ANKRD31: variants seen among roughly 807,000 people sequenced by gnomAD.
ANKRD31 encodes the protein ankyrin repeat domain 31.
Under a neutral mutation model 186.0 loss-of-function variants are expected in ANKRD31, and 147 were observed. The observed-to-expected ratio is 0.79, with a 90% CI of 0.69 to 0.91. The LOEUF is 0.91. Ranked by LOEUF, ANKRD31 falls within the 40% of genes least tolerant of loss-of-function variation. The pLI is 0.00. For missense variants in ANKRD31, 1,986 were observed against 2,148.8 expected (o/e 0.92, Z 1.50); for synonymous variants, 673 against 736.4 (o/e 0.91, Z 1.39).
intron 10 of ANKRD31, among the ~76,000 whole-genome samples, chr5:75,171,318 T>A (rs906988893): frequency 6.6e-6 from 1 of 151,986 alleles, no homozygotes; most frequent in Non-Finnish European, 1.5e-5. Context: ...CAGAAAGGTA[T>A]CTAGAGAATC....
intron 17 of ANKRD31, among the ~76,000 whole-genome samples, chr5:75,131,431 T>TCAAA (rs938140023): frequency 4.6e-5 from 7 of 152,066 alleles, no homozygotes; most frequent in African/African-American, 1.7e-4. Context: ...CAGTCTGAGA[T>TCAAA]CAAACTGCAA....
chr5:75,154,303 T>TA lies in ANKRD31; in HGVS notation c.1749dup (p.Arg584Ter). 1 of 1,535,992 alleles carries TA rather than the reference T, an allele frequency of 6.5e-7. No homozygotes were observed. Among genetic ancestry groups the TA allele is most frequent in the South Asian group, 1.2e-5 (1 of 83,920 alleles). On this transcript the variant is annotated frameshift_variant, in exon 12 of 26. Transcript: ENST00000506364. LOFTEE classifies it high-confidence loss of function. ...AAAGCACATTTTCCATCATCATTTCTAAATAATGGATCAGCTCCATTCAGA... is the reference window on the plus strand; with the variant it reads ...AAAGCACATTTTCCATCATCATTTCTAAAATAATGGATCAGCTCCATTCAGA...
At chr5:75,235,666 T>G (rs1758224267) in intron 1 of ANKRD31, among the ~76,000 whole-genome samples, 1 of 152,152 alleles carries the variant, frequency 6.6e-6, no homozygotes, top group Non-Finnish European at 1.5e-5. Context: ...GGCCCTAGCC[T>G]CAGAGCAGAC....
At chr5:75,204,481 G>A (rs957938423) in intron 5 of ANKRD31, among the ~76,000 whole-genome samples, 5 of 152,128 alleles carry the variant, frequency 3.3e-5, no homozygotes. Context: ...TACTTGGTTG[G>A]TGTTACAAAA....
chr5:75,214,333 T>A (rs141160882), intron 3 of ANKRD31, among the ~76,000 whole-genome samples: 39 of 152,318 alleles, frequency 2.6e-4, no homozygotes, highest in African/African-American at 8.2e-4. Flanking sequence ...TCATTGCAAC[T>A]TCTGAACAGA....
chr5:75,091,644 C>T (rs57091259), intron 22 of ANKRD31, among the ~76,000 whole-genome samples: 7,421 of 152,196 alleles, frequency 0.049, 390 homozygotes, highest in African/African-American at 0.13. Context: ...TGAACCAAGA[C>T]TGCATCCTCC....
chr5:75,153,730 A>C (rs946712629), intron 12 of ANKRD31, among the ~76,000 whole-genome samples: 1 of 152,174 alleles, frequency 6.6e-6, no homozygotes, highest in Non-Finnish European at 1.5e-5. Context: ...TCATGTATTT[A>C]AATTATGTTT....
At chr5:75,205,078 C>T (rs1756081400) in intron 5 of ANKRD31, among the ~76,000 whole-genome samples, 1 of 152,058 alleles carries the variant, frequency 6.6e-6, no homozygotes, top group Non-Finnish European at 1.5e-5. Context: ...GTTTCCCAGG[C>T]TGGTCTCGAA....
intron 11 of ANKRD31, among the ~76,000 whole-genome samples, chr5:75,164,007 T>A (rs1181671025): frequency 2.6e-5 from 4 of 152,198 alleles, no homozygotes; most frequent in African/African-American, 7.2e-5. Flanking sequence ...ACAAATAGTA[T>A]ATGGCAGAAA....
At position 75,195,713 on chromosome 5, in the gene ANKRD31, C is replaced by G. The variant is rs138165885; in HGVS notation, c.935G>C (p.Ser312Thr). Residue 312 changes from serine to threonine, a missense_variant, in exon 7 of 26, where the codon AGC (serine) becomes ACC (threonine). Coordinates refer to ENST00000506364, the MANE Select transcript of ANKRD31 (RefSeq NM_001372053.1). ...ACATTCATTTCTGGCAATGAGACTG[C>G]TACCTCCCTCTTTTCTGTGACAGAT... ...ETICHRKEGG[S>T]SLIARNECLE... The G allele has an allele frequency of 6.5e-7, 1 of 1,537,530 alleles. No homozygotes were observed. The highest frequency in any genetic ancestry group is 8.7e-7 in the Non-Finnish European group (1 of 1,146,880).
At chr5:75,161,259 G>C (rs1049398816) in intron 11 of ANKRD31, among the ~76,000 whole-genome samples, 2 of 152,212 alleles carry the variant, frequency 1.3e-5, no homozygotes, top group Admixed American at 6.5e-5. Context: ...AGTGGTCTCA[G>C]ATGGAGATGA....
At position 75,193,495 on chromosome 5, in the gene ANKRD31, C is replaced by A. The variant is rs1225879303; in HGVS notation, c.1114G>T (p.Val372Leu). 1.3e-6 allele frequency: 2 copies of A among 1,537,220 alleles called. No individual in the cohort carries two copies. Among genetic ancestry groups the A allele is most frequent in the Admixed American group, 3.9e-5 (2 of 50,984 alleles). Residue 372 changes from valine (V) to leucine (L), a missense_variant, in exon 8 of 26, where the codon GTG becomes TTG. Physicochemically the swap from Val to Leu is conservative, Grantham distance 32. Coordinates refer to ENST00000506364, the MANE Select transcript of ANKRD31 (RefSeq NM_001372053.1). ...PLSNKRNSNS[V>L]TNSSDQETAC... ...GTTTCCTGATCAGAGCTATTTGTCA[C>A]TGAATTTGAATTTCTCTTATTACTT... is the stretch of plus-strand genomic sequence containing the variant.
At chr5:75,207,362 C>T (rs1756325251) in intron 4 of ANKRD31, among the ~76,000 whole-genome samples, 1 of 151,980 alleles carries the variant, frequency 6.6e-6, no homozygotes, top group South Asian at 2.1e-4. Context: ...TAAGAACAAG[C>T]TGAAAGCAAA....
chr5:75,158,920 A>C (rs1752388538), intron 11 of ANKRD31, among the ~76,000 whole-genome samples: 1 of 152,136 alleles, frequency 6.6e-6, no homozygotes. Context: ...GCAAAAAAAC[A>C]CTCTAAAACA....
chr5:75,134,910 C>T (rs992824216), intron 17 of ANKRD31, among the ~76,000 whole-genome samples: 2 of 152,058 alleles, frequency 1.3e-5, no homozygotes, highest in African/African-American at 4.8e-5. Context: ...GAACCAAAGA[C>T]AAAAACCCCA....
intron 22 of ANKRD31, among the ~76,000 whole-genome samples, chr5:75,095,479 A>T (rs1002036891): frequency 6.6e-6 from 1 of 151,956 alleles, no homozygotes; most frequent in Non-Finnish European, 1.5e-5. Context: ...GTCTCAAAAA[A>T]AAAAAAGTCC....
intron 21 of ANKRD31, among the ~76,000 whole-genome samples, chr5:75,106,334 A>G (rs1261467485): frequency 1.3e-5 from 2 of 152,114 alleles, no homozygotes; most frequent in Admixed American, 1.3e-4. Flanking sequence ...TTTAAGGAAA[A>G]GCAATAATAT....
intron 21 of ANKRD31, 48 bp from the exon 22 acceptor site, chr5:75,105,266 T>G (rs1385694663): frequency 1.0e-5 from 15 of 1,430,852 alleles, no homozygotes; most frequent in Non-Finnish European, 1.3e-5. Flanking sequence ...AGCAGAAAAC[T>G]TTTCAAAGCG....
intron 17 of ANKRD31, among the ~76,000 whole-genome samples, chr5:75,137,350 A>C (rs1317752970): frequency 1.3e-5 from 2 of 152,196 alleles, no homozygotes; most frequent in Non-Finnish European, 2.9e-5. Flanking sequence ...AGTCAGTGTC[A>C]TTGAAATAAT....
Sources: gnomAD v4.1 joint callset for allele counts (sites outside exome capture counted in the v4.1 genomes callset) on GRCh38, gnomAD v4.1.1 for gene constraint, MANE v1.5 for transcripts, NCBI Gene and HGNC (gene_info 2026-07-23, HGNC 2026-07-21) for gene names.